Variants in FCGR2A observed in about 807,000 individuals in gnomAD.
The protein encoded by FCGR2A is low affinity immunoglobulin gamma Fc region receptor II-a.
FCGR2A carries 18 observed loss-of-function variants against 29.3 expected under a neutral mutation model. That is an observed-to-expected ratio of 0.62 (90% confidence interval 0.43 to 0.91). The LOEUF is 0.91. Ranked by LOEUF, FCGR2A falls within the 40% of genes least tolerant of loss-of-function variation. FCGR2A has a pLI of 0.00. For missense variants in FCGR2A, 287 were observed against 393.0 expected (o/e 0.73, Z 2.28); for synonymous variants, 126 against 144.8 (o/e 0.87, Z 0.93).
At chr1:161,523,161 GGTGA>G (rs1395715974), downstream of FCGR2A, 3 of 152,270 alleles carry the variant, frequency 2.0e-5, 1 homozygote, top group Admixed American at 1.3e-4. Context: ...TTACTATAGT[GGTGA>G]GTATCTCTGC....
chr1:161,507,453 T>C (rs1675489218), intron 3 of FCGR2A, among the ~76,000 whole-genome samples: 1 of 152,226 alleles, frequency 6.6e-6, no homozygotes, highest in Non-Finnish European at 1.5e-5. Flanking sequence ...TTCCAATGTC[T>C]GAAAATATAA....
Position 161,511,035 on chromosome 1 carries a change from C to T in FCGR2A, c.742+79C>T, listed in dbSNP as rs186964217. On this transcript the variant is annotated intron_variant, in intron 5 of 6. Transcript: ENST00000271450. ...CTAACCCCAGACATTGCCAGAATCCCGCTCTTAGGGCTAGATATGCATTCC... is the reference window on the plus strand; with the variant it reads ...CTAACCCCAGACATTGCCAGAATCCTGCTCTTAGGGCTAGATATGCATTCC... 67 of 1,602,480 alleles carry T rather than the reference C, an allele frequency of 4.2e-5. No individual in the cohort carries two copies. In the South Asian group the frequency reaches 5.5e-4, roughly 13 times the overall value.
downstream of FCGR2A, among the ~76,000 whole-genome samples, chr1:161,522,500 C>G (rs1443629229): frequency 2.0e-5 from 3 of 152,132 alleles, no homozygotes; most frequent in East Asian, 5.8e-4. Context: ...GGAGCCCACA[C>G]AAGACAGCCC....
At chr1:161,513,694 A>G (rs373579) in intron 5 of FCGR2A, among the ~76,000 whole-genome samples, 13,762 of 150,408 alleles carry the variant, frequency 0.091, 888 homozygotes, top group Middle Eastern at 0.14. Context: ...AGTGTGGCCC[A>G]TGGGGAAGGC....
chr1:161,509,122 C>T (rs969886236), intron 3 of FCGR2A, among the ~76,000 whole-genome samples: 1 of 152,234 alleles, frequency 6.6e-6, no homozygotes, highest in Non-Finnish European at 1.5e-5. Flanking sequence ...GCTCAAAGGC[C>T]TCTTCCGCCA....
At chr1:161,512,232 G>A (rs1324640299) in intron 5 of FCGR2A, among the ~76,000 whole-genome samples, 1 of 147,528 alleles carries the variant, frequency 6.8e-6, no homozygotes, top group African/African-American at 2.5e-5. Flanking sequence ...GGAGGAGGAG[G>A]CCTGGAAACC....
At chr1:161,517,126 A>T (rs917860314) in intron 6 of FCGR2A, among the ~76,000 whole-genome samples, 3 of 148,706 alleles carry the variant, frequency 2.0e-5, no homozygotes, top group Admixed American at 6.8e-5. Context: ...CTAAGATCAT[A>T]ATTTGCTCCA....
rs1342383697 is a variant in FCGR2A at position 161,510,071 on chromosome 1, C to T, written c.616C>T (p.Gln206Ter). The change falls in exon 4 of 7, where the codon CAA becomes TAA. Residue 206 changes from glutamine to a stop codon, truncating the protein, a stop_gained. Coordinates refer to ENST00000271450, the MANE Select transcript of FCGR2A (RefSeq NM_001136219.3). LOFTEE classifies it high-confidence loss of function. Reference protein sequence around the residue: ...FSSKPVTITVQVPSMGSSSPM... With the variant: ...FSSKPVTITV ...ATCCAAGCCTGTGACCATCACTGTC[C>T]AAGGTATGGGGAGTCTGCCAAGATG... 1.2e-5 allele frequency: 20 copies of T among 1,612,152 alleles called. No individual in the cohort carries two copies. Among genetic ancestry groups the T allele is most frequent in the Non-Finnish European group, 1.7e-5 (20 of 1,179,808 alleles).
chr1:161,518,173 A>C lies in FCGR2A; in HGVS notation c.*25A>C, dbSNP rs761744019. ...AAGAGTAACGTTATGCCATGTGGTC[A>C]TACTCTCAGCTTGCTGAGTGGATGA... On this transcript the variant is annotated 3_prime_UTR_variant, in exon 7 of 7. Coordinates refer to ENST00000271450, the MANE Select transcript of FCGR2A (RefSeq NM_001136219.3). 116 of 1,607,580 alleles carry C rather than the reference A, an allele frequency of 7.2e-5. No homozygotes were observed. Among genetic ancestry groups the C allele is most frequent in the Non-Finnish European group, 9.2e-5 (108 of 1,176,878 alleles).
At chr1:161,508,295 C>CTT (rs35406997) in intron 3 of FCGR2A, among the ~76,000 whole-genome samples, 1 of 145,028 alleles carries the variant, frequency 6.9e-6, no homozygotes, top group Non-Finnish European at 1.5e-5. Context: ...ATACAGAATA[C>CTT]TTTTTTTTTT....
At chr1:161,514,215 G>A (rs1294304690) in intron 6 of FCGR2A, among the ~76,000 whole-genome samples, 1 of 151,736 alleles carries the variant, frequency 6.6e-6, no homozygotes, top group African/African-American at 2.4e-5. Flanking sequence ...CTAGCCAATC[G>A]TAAGCAGCCA....
chr1:161,522,038 A>G (rs983456720), downstream of FCGR2A, among the ~76,000 whole-genome samples: 1 of 152,064 alleles, frequency 6.6e-6, no homozygotes, highest in African/African-American at 2.4e-5. Context: ...ATTTAAGTGT[A>G]TGTATAAAAT....
At chr1:161,519,936 A>C (rs1176092005), downstream of FCGR2A, 1 of 152,014 alleles carries the variant, frequency 6.6e-6, no homozygotes, top group African/African-American at 2.4e-5. Flanking sequence ...TGACCTTCTC[A>C]GAGAAGTCAT....
downstream of FCGR2A, chr1:161,523,896 T>G (rs903245104): frequency 1.3e-5 from 2 of 152,062 alleles, no homozygotes; most frequent in East Asian, 1.9e-4. Context: ...AGGCGAGAAT[T>G]CTACCACTGA....
intron 5 of FCGR2A, 90 bp downstream of exon 5, chr1:161,511,046 C>T: frequency 6.3e-7 from 1 of 1,582,558 alleles, no homozygotes; most frequent in Non-Finnish European, 8.7e-7. Context: ...GCTCTTAGGG[C>T]TAGATATGCA....
At chr1:161,512,896 T>G (rs556580305) in intron 5 of FCGR2A, among the ~76,000 whole-genome samples, 3 of 152,372 alleles carry the variant, frequency 2.0e-5, no homozygotes, top group Non-Finnish European at 1.5e-5. Context: ...AACTGGATTA[T>G]CCGTCTTGTT....
Position 161,505,572 on chromosome 1 carries a change from A to AG in FCGR2A, c.85+20_85+21insG. 2 of 1,597,562 alleles carry AG rather than the reference A, an allele frequency of 1.3e-6. No homozygotes were observed. Among genetic ancestry groups the AG allele is most frequent in the Non-Finnish European group, 1.7e-6 (2 of 1,165,034 alleles). On this transcript the variant is annotated intron_variant, in intron 1 of 6. Coordinates refer to ENST00000271450, the MANE Select transcript of FCGR2A (RefSeq NM_001136219.3). ...TGCTGGGTGAGTGAGGGTCATTCTG[A>AG]AATGGGGCAATTTCAGACACTCCTA...
rs9427398 is a variant in FCGR2A at position 161,506,415 on chromosome 1, A to G, written c.188A>G (p.Gln63Arg). 0.11 allele frequency: 185,130 copies of G among 1,613,706 alleles called. 11,811 individuals are homozygous for G. Among genetic ancestry groups the G allele is most frequent in the Middle Eastern group, 0.2 (1,201 of 6,058 alleles). The change falls in exon 3 of 7, where the codon CAG becomes CGG. Residue 63 changes from glutamine to arginine, a missense_variant. By Grantham distance (43) the Gln-to-Arg change is conservative. This residue lies in a region of FCGR2A where 181 missense variants were observed against 250.9 expected (regional missense o/e 0.72). Transcript: ENST00000271450. ...GAGGACTCTGTGACTCTGACATGCC[A>G]GGGGGCTCGCAGCCCTGAGAGCGAC... is the stretch of plus-strand genomic sequence containing the variant. ...LQEDSVTLTC[Q>R]GARSPESDSI... is the part of the protein sequence containing the mutation.
chr1:161,506,086 G>T, intron 2 of FCGR2A, 79 bp downstream of exon 2: 1 of 1,451,630 alleles, frequency 6.9e-7, no homozygotes, highest in Non-Finnish European at 9.7e-7. Flanking sequence ...GGGCGGCGGG[G>T]GGGTATGTCT....
Sources: gnomAD v4.1 joint callset for allele counts (sites outside exome capture counted in the v4.1 genomes callset) on GRCh38, gnomAD v4.1.1 for gene constraint, gnomAD v4.1.1 regional missense constraint, MANE v1.5 for transcripts, NCBI Gene and HGNC (gene_info 2026-07-23, HGNC 2026-07-21) for gene names.